CACNA2D4: variants seen among roughly 807,000 people sequenced by gnomAD.
The protein encoded by CACNA2D4 is calcium voltage-gated channel auxiliary subunit alpha2delta 4, also known as voltage-dependent calcium channel subunit alpha-2/delta-4.
CACNA2D4 carries 157 observed loss-of-function variants against 163.8 expected under a neutral mutation model. The observed-to-expected ratio is 0.96, with a 90% CI of 0.84 to 1.09. The LOEUF (loss-of-function observed/expected upper bound fraction) is 1.09, where lower values mean the gene tolerates loss of function less well. Ranked by LOEUF, CACNA2D4 falls within the 50% of genes least tolerant of loss-of-function variation. The pLI is 0.00. For missense variants in CACNA2D4, 1,410 were observed against 1,479.9 expected, an observed-to-expected ratio of 0.95 and a Z score of 0.78; for synonymous variants, 598 against 586.9, an observed-to-expected ratio of 1.02 and a Z score of -0.27.
At chr12:1,845,659 G>A (rs970652945) in intron 24 of CACNA2D4, among the ~76,000 whole-genome samples, 5 of 152,104 alleles carry the variant, frequency 3.3e-5, no homozygotes, top group Admixed American at 2.0e-4. Flanking sequence ...GTTGCGAAGC[G>A]GCAGGTGGCA....
chr12:1,826,404 C>CA (rs199636691), intron 26 of CACNA2D4, among the ~76,000 whole-genome samples: 4 of 51,544 alleles, frequency 7.8e-5, no homozygotes, highest in South Asian at 8.6e-4. Context: ...CCCAGAGCCC[C>CA]CCCCCCCCCC....
At chr12:1,795,463 C>T in intron 36 of CACNA2D4, 82 bp from the exon 37 acceptor site, 1 of 1,330,226 alleles carries the variant, frequency 7.5e-7, no homozygotes. Context: ...AGAACCTGCT[C>T]TGGTGCCACC....
intron 26 of CACNA2D4, chr12:1,831,464 C>T: frequency 6.2e-7 from 1 of 1,614,080 alleles, no homozygotes; most frequent in Non-Finnish European, 8.5e-7. Flanking sequence ...GGGATAACCC[C>T]TGGGAGTGTG....
At chr12:1,809,370 T>C (rs1863636538) in intron 29 of CACNA2D4, 8 of 612,374 alleles carry the variant, frequency 1.3e-5, no homozygotes, top group Non-Finnish European at 2.0e-5. Flanking sequence ...GAGACACAGC[T>C]AATGGAAGTC....
intron 26 of CACNA2D4, among the ~76,000 whole-genome samples, chr12:1,825,730 T>C (rs900014160): frequency 6.6e-6 from 1 of 152,246 alleles, no homozygotes; most frequent in African/African-American, 2.4e-5. Flanking sequence ...CCTGTGTGTG[T>C]GCCCTGCTCT....
In CACNA2D4 at chr12:1,798,966, G is replaced by A. The variant is rs1247739494; in HGVS notation, c.2995+709C>T. Among the ~76,000 whole-genome samples, 1 of 152,176 alleles carries A rather than the reference G, an allele frequency of 6.6e-6. No individual in the cohort carries two copies. Among genetic ancestry groups the A allele is most frequent in the Non-Finnish European group, 1.5e-5 (1 of 68,030 alleles). On this transcript the variant is annotated intron_variant, in intron 34 of 37. Transcript: ENST00000382722. The surrounding 1 kb of genome is among the most constrained non-coding windows in gnomAD (Gnocchi z 4.3). ...CAAGGCCAGCAGAAGAGAACGAAGA[G>A]CAAGCCAGAGAGAGGACCACAGTGG... is the stretch of plus-strand genomic sequence containing the variant.
At chr12:1,914,409 G>T (rs1201942817) in intron 2 of CACNA2D4, among the ~76,000 whole-genome samples, 1 of 152,152 alleles carries the variant, frequency 6.6e-6, no homozygotes, top group Non-Finnish European at 1.5e-5. Context: ...GGGGCTGACA[G>T]CTGGAGGTAT....
At chr12:1,836,335 T>TG (rs1864859452) in intron 26 of CACNA2D4, 1 of 152,352 alleles carries the variant, frequency 6.6e-6, no homozygotes, top group African/African-American at 2.4e-5. Flanking sequence ...GGAATCTCGA[T>TG]GGGGGCTCAG....
chr12:1,825,513 G>A (rs1864277273), intron 26 of CACNA2D4, among the ~76,000 whole-genome samples: 1 of 152,212 alleles, frequency 6.6e-6, no homozygotes, highest in Admixed American at 6.5e-5. Flanking sequence ...GTCTGTTGGG[G>A]GCATTTGGGA....
At chr12:1,863,232 T>C (rs1236440225) in intron 18 of CACNA2D4, among the ~76,000 whole-genome samples, 5 of 152,218 alleles carry the variant, frequency 3.3e-5, no homozygotes, top group Admixed American at 3.3e-4. Flanking sequence ...AAAAATCAAT[T>C]GATAATATAT....
chr12:1,908,856 T>C (rs997101531), intron 4 of CACNA2D4, among the ~76,000 whole-genome samples: 3 of 139,412 alleles, frequency 2.2e-5, no homozygotes, highest in Admixed American at 1.4e-4. Flanking sequence ...GTCACGGACA[T>C]CCCCACGCCA....
rs1390127591 is a variant in CACNA2D4, at chr12:1,846,561, G to T, written c.2342+33C>A. 2.0e-6 allele frequency: 3 copies of T among 1,524,566 alleles called. No homozygotes were observed. The Admixed American group carries it at 5.7e-5, about 29-fold the overall frequency. 94.4% of individuals were successfully genotyped at this position (1,524,566 alleles called of 1,614,324 possible). A position where few individuals can be genotyped will look rare whatever the true frequency, so the allele number is the denominator to read the frequency against. On this transcript the variant is annotated intron_variant, in intron 24 of 37. Coordinates refer to ENST00000382722, the MANE Select transcript of CACNA2D4 (RefSeq NM_172364.5). Reference sequence around the variant, plus strand: ...ACTCTGGCCCTCTCTGCCCTGCAGGGATTGCCCTCCCGAGGTGGCCGGCCC... The same window carrying T: ...ACTCTGGCCCTCTCTGCCCTGCAGGTATTGCCCTCCCGAGGTGGCCGGCCC...
chr12:1,834,739 G>A lies in CACNA2D4; in HGVS notation c.2551+6000C>T. The A allele has an allele frequency of 2.5e-6, 4 of 1,570,264 alleles. No individual in the cohort carries two copies. The highest frequency in any genetic ancestry group is 1.3e-5 in the African/African-American group (1 of 74,322). On this transcript the variant is annotated intron_variant, in intron 26 of 37. Coordinates refer to ENST00000382722, the MANE Select transcript of CACNA2D4 (RefSeq NM_172364.5). The surrounding 1 kb of genome is among the most constrained non-coding windows in gnomAD (Gnocchi z 7.6). Reference sequence around the variant, plus strand: ...TGGCCTGAGCGCCCATCCCCACCCGGCCAGGTAGGAAGGGCGGGGAGAGCA... The same window carrying A: ...TGGCCTGAGCGCCCATCCCCACCCGACCAGGTAGGAAGGGCGGGGAGAGCA...
chr12:1,879,658 A>G (rs1865951734), intron 14 of CACNA2D4, 146 bp downstream of exon 14: 2 of 672,102 alleles, frequency 3.0e-6, no homozygotes, highest in African/African-American at 3.6e-5. Flanking sequence ...TGGGGTAGCT[A>G]CTCTGGGACA....
In CACNA2D4 at chr12:1,893,214, C is replaced by T. The variant is rs540293338; in HGVS notation, c.782-6145G>A. On this transcript the variant is annotated intron_variant, in intron 6 of 37. Coordinates refer to ENST00000382722, the MANE Select transcript of CACNA2D4 (RefSeq NM_172364.5). Reference sequence around the variant, plus strand: ...TATTCTCACCAGCACATGAAACATTCTCCAGGACAGATCATATATTAAGAC... The same window carrying T: ...TATTCTCACCAGCACATGAAACATTTTCCAGGACAGATCATATATTAAGAC... 2.0e-5 allele frequency among the ~76,000 whole-genome samples: 3 copies of T among 152,278 alleles called. No homozygotes were observed. In the East Asian group the frequency reaches 5.8e-4, roughly 29 times the overall value.
At chr12:1,804,233 C>A (rs1433411217) in intron 29 of CACNA2D4, among the ~76,000 whole-genome samples, 1 of 151,810 alleles carries the variant, frequency 6.6e-6, no homozygotes, top group Non-Finnish European at 1.5e-5. Context: ...TCCCACAGCA[C>A]CACACCATGT....
At chr12:1,817,477 C>CCCCTCTCCCCACGGTCTCCCTCT (rs1863915222) in intron 26 of CACNA2D4, among the ~76,000 whole-genome samples, 2 of 152,018 alleles carry the variant, frequency 1.3e-5, no homozygotes, top group Admixed American at 1.3e-4. Flanking sequence ...TCTCCCCTCT[C>CCCCTCTCCCCACGGTCTCCCTCT]CCCTCTCCCC....
At position 1,829,705 on chromosome 12, in the gene CACNA2D4, C is replaced by A. The variant is rs1220002497; in HGVS notation, c.2551+11034G>T. ...TCACAGCCCATCGGCCCACCCCGAC[C>A]TGGGACAGCCAGGTCCCAGGTCCCA... On this transcript the variant is annotated intron_variant, in intron 26 of 37. Transcript: ENST00000382722. This position sits in a 1 kb window ranked among gnomAD's most constrained non-coding sequence, Gnocchi z 4.2. 6.8e-6 allele frequency among the ~76,000 whole-genome samples: 1 copy of A among 147,860 alleles called. No homozygotes were observed. Among genetic ancestry groups the A allele is most frequent in the Admixed American group, 6.7e-5 (1 of 14,896 alleles).
intron 19 of CACNA2D4, among the ~76,000 whole-genome samples, chr12:1,859,166 C>T (rs936036310): frequency 2.0e-5 from 3 of 152,266 alleles, no homozygotes; most frequent in Admixed American, 1.3e-4. Context: ...CTGGGCAACA[C>T]AGCGAGACCC....
Sources: gnomAD v4.1 joint callset for allele counts (sites outside exome capture counted in the v4.1 genomes callset) on GRCh38, gnomAD v4.1.1 for gene constraint, Gnocchi (gnomAD v3.1) non-coding constraint, MANE v1.5 for transcripts, NCBI Gene and HGNC (gene_info 2026-07-23, HGNC 2026-07-21) for gene names.